The following ADGRB3 variants were observed in gnomAD, a reference collection of about 807,000 sequenced individuals.
ADGRB3 encodes the protein brain-specific angiogenesis inhibitor 3.
In ADGRB3, 37 loss-of-function variants were observed where a neutral mutation model predicts 193.4. That is an observed-to-expected ratio of 0.19 (90% CI 0.15 to 0.25). The LOEUF (loss-of-function observed/expected upper bound fraction) is 0.25. Among genes scored for constraint, ADGRB3 ranks in the 10% least tolerant of loss-of-function variants. The probability of loss-of-function intolerance (pLI) is 1.00; values close to 1 mark genes in which losing one functional copy is unlikely to be tolerated. For synonymous variants in ADGRB3, 690 were observed against 644.2 expected (o/e 1.07, Z -1.08); for missense variants, 1,637 against 1,852.9 (o/e 0.88, Z 2.14).
intron 3 of ADGRB3, among the ~76,000 whole-genome samples, chr6:68,773,535 G>T (rs1766679813): frequency 6.6e-6 from 1 of 152,148 alleles, no homozygotes; most frequent in South Asian, 2.1e-4. Flanking sequence ...TCTACTAAGT[G>T]TTGGCCACTG....
rs531267777 is a variant in ADGRB3 at position 68,762,526 on chromosome 6, A to G, written c.757+123094A>G. Among the ~76,000 whole-genome samples, 456 of 152,188 alleles carry G rather than the reference A, an allele frequency of 3.0e-3. 6 individuals are homozygous for G. Among genetic ancestry groups the G allele is most frequent in the African/African-American group, 0.011 (444 of 41,556 alleles). ...GAGAGAGAGAGTGATAGAGGTGACC[A>G]AATAAATTAGTGAAACAAAGAATTG... On this transcript the variant is annotated intron_variant, in intron 3 of 31. Transcript: ENST00000370598.
In ADGRB3 at chr6:69,069,731, T is replaced by TAAA. The variant is rs754345752; in HGVS notation, c.2437-6247_2437-6245dup. Among the ~76,000 whole-genome samples, 393 of 108,204 alleles carry TAAA rather than the reference T, an allele frequency of 3.6e-3. 5 individuals carry two copies. Among genetic ancestry groups the TAAA allele is most frequent in the African/African-American group, 0.014 (356 of 25,210 alleles). 71.0% of individuals were successfully genotyped at this position (108,204 alleles called of 152,430 possible). A position where few individuals can be genotyped will look rare whatever the true frequency, so the allele number is the denominator to read the frequency against. ...GGGTGACAGAGTGAGACTCTCTCAT[T>TAAA]AAAAAAAAAAAAAAAAAAAGAAAGA... On this transcript the variant is annotated intron_variant, in intron 16 of 31. Transcript: ENST00000370598.
chr6:68,851,924 C>A (rs1305269062), intron 3 of ADGRB3, among the ~76,000 whole-genome samples: 2 of 151,742 alleles, frequency 1.3e-5, no homozygotes, highest in African/African-American at 4.8e-5. Context: ...TTGACTGATT[C>A]ATGAAATCAT....
intron 19 of ADGRB3, among the ~76,000 whole-genome samples, chr6:69,238,409 T>C (rs1356912286): frequency 6.6e-6 from 1 of 152,082 alleles, no homozygotes; most frequent in African/African-American, 2.4e-5. Flanking sequence ...TTGGTGCACT[T>C]AACAACTATA....
intron 11 of ADGRB3, among the ~76,000 whole-genome samples, chr6:69,010,658 A>G (rs1323734510): frequency 6.6e-6 from 1 of 151,934 alleles, no homozygotes; most frequent in Admixed American, 6.6e-5. Context: ...ACAGTTAATA[A>G]TTGATGGGGA....
At chr6:69,293,757 G>A (rs537917778) in intron 20 of ADGRB3, among the ~76,000 whole-genome samples, 1 of 152,212 alleles carries the variant, frequency 6.6e-6, no homozygotes, top group South Asian at 2.1e-4. Flanking sequence ...AGGGAAAGTG[G>A]ATGAAGTCTG....
intron 3 of ADGRB3, among the ~76,000 whole-genome samples, chr6:68,721,730 T>A (rs78601549): frequency 0.022 from 3,309 of 149,588 alleles, 64 homozygotes; most frequent in South Asian, 0.075. Context: ...CCCTAAATTA[T>A]CTTAGCAGAG....
At chr6:69,022,039 T>A (rs1218803303) in intron 13 of ADGRB3, among the ~76,000 whole-genome samples, 1 of 151,834 alleles carries the variant, frequency 6.6e-6, no homozygotes, top group East Asian at 1.9e-4. Context: ...AGCTTCAATA[T>A]AATATTTAGT....
In ADGRB3 at chr6:68,764,948, C is replaced by A. The variant is rs150803851; in HGVS notation, c.757+125516C>A. Reference sequence around the variant, plus strand: ...TTGGAATATCTTAGGAAATGTTACTCTTTAATTTGCCTGCTAAAATTTTGA... The same window carrying A: ...TTGGAATATCTTAGGAAATGTTACTATTTAATTTGCCTGCTAAAATTTTGA... On this transcript the variant is annotated intron_variant, in intron 3 of 31. Coordinates refer to ENST00000370598, the MANE Select transcript of ADGRB3 (RefSeq NM_001704.3). Among the ~76,000 whole-genome samples the A allele has an allele frequency of 3.9e-5, 6 of 152,224 alleles. No individual in the cohort carries two copies. In the East Asian group the frequency reaches 9.6e-4, roughly 24 times the overall value.
chr6:68,753,993 C>T (rs1295289031), intron 3 of ADGRB3, among the ~76,000 whole-genome samples: 1 of 152,054 alleles, frequency 6.6e-6, no homozygotes, highest in East Asian at 1.9e-4. Context: ...TGAGGTAACA[C>T]CTAGAAATAT....
At chr6:69,097,914 A>C (rs1772929442) in intron 17 of ADGRB3, among the ~76,000 whole-genome samples, 1 of 152,332 alleles carries the variant, frequency 6.6e-6, no homozygotes, top group South Asian at 2.1e-4. Context: ...TGAAAAGAAA[A>C]AGTAAAAACA....
chr6:68,771,366 A>T (rs920895887), intron 3 of ADGRB3, among the ~76,000 whole-genome samples: 1 of 148,048 alleles, frequency 6.8e-6, no homozygotes, highest in Admixed American at 6.9e-5. Context: ...AGACCATGCT[A>T]TGTGTGCTAG....
At chr6:69,115,757 G>A (rs767205325) in intron 17 of ADGRB3, among the ~76,000 whole-genome samples, 18 of 152,180 alleles carry the variant, frequency 1.2e-4, no homozygotes, top group Non-Finnish European at 2.4e-4. Flanking sequence ...TCCCCATTTG[G>A]CATCCACTGC....
rs1363983941 is a variant in ADGRB3 at position 68,939,860 on chromosome 6, A to G, written c.1030+3180A>G. Among the ~76,000 whole-genome samples, 6 of 152,302 alleles carry G rather than the reference A, an allele frequency of 3.9e-5. No individual in the cohort carries two copies. In the East Asian group the frequency reaches 1.2e-3, roughly 29 times the overall value. The stretch of plus-strand genomic sequence containing the variant: ...CAGTAACTGATTTGTCACATTTTGG[A>G]CACTCAAATGTATTTGGCATTTAAT... On this transcript the variant is annotated intron_variant, in intron 5 of 31. Coordinates refer to ENST00000370598, the MANE Select transcript of ADGRB3 (RefSeq NM_001704.3).
At chr6:68,752,876 A>G (rs143964142) in intron 3 of ADGRB3, among the ~76,000 whole-genome samples, 1 of 152,340 alleles carries the variant, frequency 6.6e-6, no homozygotes, top group Non-Finnish European at 1.5e-5. Context: ...TAAGCAAACT[A>G]ACTTCAAAAA....
chr6:68,890,344 G>A (rs1161179381), intron 3 of ADGRB3, among the ~76,000 whole-genome samples: 1 of 152,150 alleles, frequency 6.6e-6, no homozygotes, highest in Non-Finnish European at 1.5e-5. Context: ...AACATTTTAT[G>A]CTTCTTTCCA....
At chr6:69,083,614 C>T (rs899507057) in intron 17 of ADGRB3, among the ~76,000 whole-genome samples, 6 of 152,000 alleles carry the variant, frequency 3.9e-5, no homozygotes, top group Admixed American at 1.3e-4. Context: ...TAAGTAATGC[C>T]ATTTAATTCA....
chr6:69,271,765 T>A (rs766585310), intron 20 of ADGRB3, among the ~76,000 whole-genome samples: 2 of 152,088 alleles, frequency 1.3e-5, no homozygotes, highest in Admixed American at 6.6e-5. Context: ...CACACCCCTT[T>A]CCAATTACAG....
intron 3 of ADGRB3, among the ~76,000 whole-genome samples, chr6:68,834,379 T>C (rs376969055): frequency 6.8e-4 from 104 of 152,260 alleles, no homozygotes; most frequent in African/African-American, 2.4e-3. Context: ...TAGAGAACAA[T>C]GCTGTAATCC....
Sources: gnomAD v4.1 joint callset for allele counts (sites outside exome capture counted in the v4.1 genomes callset) on GRCh38, gnomAD v4.1.1 for gene constraint, MANE v1.5 for transcripts, NCBI Gene and HGNC (gene_info 2026-07-23, HGNC 2026-07-21) for gene names.